The following SLIT2 variants were observed in gnomAD, a reference collection of about 807,000 sequenced individuals.
The protein encoded by SLIT2 is slit guidance ligand 2, also known as slit homolog 2 protein.
SLIT2 carries 41 observed loss-of-function variants against 185.7 expected under a neutral mutation model. The observed-to-expected ratio is 0.22, with a 90% CI of 0.17 to 0.29. The LOEUF (loss-of-function observed/expected upper bound fraction) is 0.29. Ranked by LOEUF, SLIT2 falls within the 10% of genes least tolerant of loss-of-function variation. The pLI is 1.00. For missense variants in SLIT2, 1,571 were observed against 1,909.0 expected, an observed-to-expected ratio of 0.82 and a Z score of 3.30; for synonymous variants, 693 against 680.2, an observed-to-expected ratio of 1.02 and a Z score of -0.29.
intron 4 of SLIT2, among the ~76,000 whole-genome samples, chr4:20,366,405 G>T (rs911650361): frequency 5.9e-5 from 9 of 152,112 alleles, no homozygotes; most frequent in African/African-American, 2.2e-4. Context: ...AGCCTTGGTT[G>T]GCCACATTTC....
chr4:20,303,257 C>T (rs1277055758), intron 4 of SLIT2, among the ~76,000 whole-genome samples: 1 of 152,136 alleles, frequency 6.6e-6, no homozygotes, highest in African/African-American at 2.4e-5. Context: ...TCTCAGTACC[C>T]TTACAAGCCA....
At chr4:20,588,900 A>G (rs1727282293) in intron 29 of SLIT2, among the ~76,000 whole-genome samples, 1 of 152,148 alleles carries the variant, frequency 6.6e-6, no homozygotes, top group African/African-American at 2.4e-5. Flanking sequence ...CTGTCTCTGT[A>G]TTGAGTCTCC....
chr4:20,351,098 A>T (rs193116837), intron 4 of SLIT2, among the ~76,000 whole-genome samples: 17 of 149,548 alleles, frequency 1.1e-4, no homozygotes, highest in African/African-American at 3.9e-4. Context: ...GCCCAGGCTG[A>T]AGTGCAATGC....
chr4:20,293,460 A>G (rs2109087614), intron 4 of SLIT2, among the ~76,000 whole-genome samples: 2 of 152,316 alleles, frequency 1.3e-5, no homozygotes, highest in Middle Eastern at 6.8e-3. Flanking sequence ...ACTAGACTAA[A>G]ATTTTTAACA....
intron 4 of SLIT2, chr4:20,393,608 C>T (rs1039867283): frequency 6.6e-6 from 1 of 152,046 alleles, no homozygotes; most frequent in African/African-American, 2.4e-5. Flanking sequence ...GACTCCACTG[C>T]ATGTATTACG....
At chr4:20,453,629 G>T (rs746825786) in intron 4 of SLIT2, among the ~76,000 whole-genome samples, 1 of 152,078 alleles carries the variant, frequency 6.6e-6, no homozygotes, top group African/African-American at 2.4e-5. Context: ...CTGGCTCAAG[G>T]TCATAACACT....
intron 4 of SLIT2, among the ~76,000 whole-genome samples, chr4:20,279,845 G>A (rs888751143): frequency 6.6e-5 from 10 of 152,088 alleles, no homozygotes; most frequent in Non-Finnish European, 1.0e-4. Context: ...ATCGTAACCT[G>A]TGTATTAACT....
At chr4:20,499,454 A>G (rs533044716) in intron 9 of SLIT2, among the ~76,000 whole-genome samples, 124 of 152,264 alleles carry the variant, frequency 8.1e-4, no homozygotes, top group Non-Finnish European at 1.6e-3. Flanking sequence ...TCAATTTTGA[A>G]TCCACATATT....
At chr4:20,406,159 T>C (rs1399794718) in intron 4 of SLIT2, among the ~76,000 whole-genome samples, 1 of 144,322 alleles carries the variant, frequency 6.9e-6, no homozygotes, top group African/African-American at 2.4e-5. Flanking sequence ...AAAAAATTAA[T>C]TACATGTAGA....
At chr4:20,493,722 G>A (rs1419369804) in intron 9 of SLIT2, among the ~76,000 whole-genome samples, 2 of 152,162 alleles carry the variant, frequency 1.3e-5, no homozygotes, top group East Asian at 3.9e-4. Flanking sequence ...GCGGTTGTCA[G>A]TTTGATGTGA....
chr4:20,301,722 T>A (rs927640735), intron 4 of SLIT2, among the ~76,000 whole-genome samples: 2 of 152,162 alleles, frequency 1.3e-5, no homozygotes, highest in Admixed American at 6.6e-5. Flanking sequence ...TAAATAAAAT[T>A]GAGATTAAAA....
intron 30 of SLIT2, among the ~76,000 whole-genome samples, chr4:20,593,465 A>G (rs1013072121): frequency 2.0e-5 from 3 of 152,140 alleles, no homozygotes; most frequent in Non-Finnish European, 2.9e-5. Context: ...AGTGGTTACC[A>G]GGAATTGGGG....
chr4:20,511,420 C>CTTTTT (rs1040955182), intron 11 of SLIT2, among the ~76,000 whole-genome samples: 4 of 122,054 alleles, frequency 3.3e-5, no homozygotes, highest in Admixed American at 8.5e-5. Context: ...TTTTTTATTT[C>CTTTTT]TTTTTTTTTT....
At chr4:20,618,397 A>G (rs1464847775) in intron 36 of SLIT2, among the ~76,000 whole-genome samples, 1 of 152,232 alleles carries the variant, frequency 6.6e-6, no homozygotes, top group Non-Finnish European at 1.5e-5. Context: ...TCCAGGTCTA[A>G]TAAATAAAAT....
chr4:20,268,107 G>A (rs1464925381), intron 3 of SLIT2, among the ~76,000 whole-genome samples: 1 of 151,868 alleles, frequency 6.6e-6, no homozygotes, highest in African/African-American at 2.4e-5. Context: ...AAGCATCAGG[G>A]CTTAAATTGA....
chr4:20,426,836 A>G (rs1434124990), intron 4 of SLIT2, among the ~76,000 whole-genome samples: 3 of 152,160 alleles, frequency 2.0e-5, no homozygotes, highest in Non-Finnish European at 4.4e-5. Flanking sequence ...AAACCCCAAA[A>G]CAACTGTCTG....
chr4:20,321,673 G>A (rs1719100978), intron 4 of SLIT2, among the ~76,000 whole-genome samples: 1 of 152,172 alleles, frequency 6.6e-6, no homozygotes, highest in Admixed American at 6.5e-5. Flanking sequence ...TGAAATGCGT[G>A]GGAGCAAATG....
intron 6 of SLIT2, among the ~76,000 whole-genome samples, chr4:20,485,760 G>C (rs981218024): frequency 6.6e-6 from 1 of 152,110 alleles, no homozygotes; most frequent in Non-Finnish European, 1.5e-5. Flanking sequence ...ATTCTGTATT[G>C]TTGCTATGAG....
At position 20,254,049 on chromosome 4, in the gene SLIT2, C is replaced by A. The variant is rs996795040; in HGVS notation, c.179+55C>A. 106 of 1,546,994 alleles carry A rather than the reference C, an allele frequency of 6.9e-5. No individual in the cohort carries two copies. Among genetic ancestry groups the A allele is most frequent in the Non-Finnish European group, 8.7e-5 (99 of 1,141,122 alleles). On this transcript the variant is annotated intron_variant, in intron 1 of 36. Transcript: ENST00000504154. The surrounding 1 kb of genome is among the most constrained non-coding windows in gnomAD (Gnocchi z 5.1). The stretch of plus-strand genomic sequence containing the variant: ...CCCCATCCGGGCCGCGCACCCCTGC[C>A]TCCACTGGAGGAACCTGTCAGCTCA...
Sources: gnomAD v4.1 joint callset for allele counts (sites outside exome capture counted in the v4.1 genomes callset) on GRCh38, gnomAD v4.1.1 for gene constraint, Gnocchi (gnomAD v3.1) non-coding constraint, MANE v1.5 for transcripts, NCBI Gene and HGNC (gene_info 2026-07-23, HGNC 2026-07-21) for gene names.